The following PRPSAP1 variants were observed in gnomAD, a reference collection of about 807,000 sequenced individuals.
PRPSAP1 encodes the protein phosphoribosyl pyrophosphate synthase-associated protein 1.
In PRPSAP1, 31 loss-of-function variants were observed where a neutral mutation model predicts 39.4. The observed-to-expected ratio is 0.79, with a 90% CI of 0.59 to 1.06. The LOEUF (loss-of-function observed/expected upper bound fraction) is 1.06, where lower values mean the gene tolerates loss of function less well. Among genes scored for constraint, PRPSAP1 ranks in the 50% least tolerant of loss-of-function variants. PRPSAP1 has a pLI of 0.00. For synonymous variants in PRPSAP1, 212 were observed against 192.6 expected, an observed-to-expected ratio of 1.10 and a Z score of -0.83; for missense variants, 430 against 511.6, an observed-to-expected ratio of 0.84 and a Z score of 1.54.
chr17:76,313,615 G>A (rs915514984), intron 8 of PRPSAP1: 6 of 555,870 alleles, frequency 1.1e-5, no homozygotes, highest in Non-Finnish European at 1.9e-5. Context: ...CGGGAGTACT[G>A]TGCTCATTTC....
intron 7 of PRPSAP1, among the ~76,000 whole-genome samples, chr17:76,323,350 A>G (rs2071218383): frequency 6.6e-6 from 1 of 150,596 alleles, no homozygotes; most frequent in Non-Finnish European, 1.5e-5. Flanking sequence ...TCAAAAAAAA[A>G]AAAGAAATAC....
chr17:76,341,426 G>C (rs934163383), intron 3 of PRPSAP1, among the ~76,000 whole-genome samples: 1 of 151,964 alleles, frequency 6.6e-6, no homozygotes, highest in African/African-American at 2.4e-5. Flanking sequence ...TATTTGTAGA[G>C]ATGGAGTCTC....
chr17:76,339,583 A>C (rs773635521), intron 3 of PRPSAP1, among the ~76,000 whole-genome samples: 1 of 151,608 alleles, frequency 6.6e-6, no homozygotes, highest in Non-Finnish European at 1.5e-5. Context: ...TTTTGCTTTG[A>C]TGCTCTTAAA....
At chr17:76,329,016 A>G in intron 6 of PRPSAP1, 154 bp from the exon 7 acceptor site, 1 of 890,958 alleles carries the variant, frequency 1.1e-6, no homozygotes, top group Non-Finnish European at 1.6e-6. Flanking sequence ...CCAGGCCAGC[A>G]TGTAAATGAC....
At chr17:76,345,263 T>C (rs2071486082) in intron 2 of PRPSAP1, among the ~76,000 whole-genome samples, 1 of 70,726 alleles carries the variant, frequency 1.4e-5, no homozygotes, top group African/African-American at 4.3e-5. Context: ...AAAGAGTTCT[T>C]CGAGACCAGC....
intron 7 of PRPSAP1, among the ~76,000 whole-genome samples, chr17:76,324,488 T>G (rs189570894): frequency 1.5e-4 from 23 of 150,906 alleles, no homozygotes; most frequent in African/African-American, 5.1e-4. Flanking sequence ...TAATCCCAGC[T>G]ACTTAGGGAG....
chr17:76,351,990 T>G (rs148866941), intron 1 of PRPSAP1, among the ~76,000 whole-genome samples: 1 of 151,398 alleles, frequency 6.6e-6, no homozygotes, highest in African/African-American at 2.4e-5. Flanking sequence ...GGGTTAGAAA[T>G]AGAAACTAGG....
At chr17:76,320,892 C>T (rs930302267) in intron 7 of PRPSAP1, among the ~76,000 whole-genome samples, 2 of 151,812 alleles carry the variant, frequency 1.3e-5, no homozygotes, top group Non-Finnish European at 2.9e-5. Flanking sequence ...AGGGAACCTC[C>T]CATCTCAGCC....
intron 3 of PRPSAP1, among the ~76,000 whole-genome samples, 155 bp downstream of exon 3, chr17:76,344,516 C>T (rs777459258): frequency 2.0e-5 from 3 of 152,156 alleles, no homozygotes; most frequent in Non-Finnish European, 2.9e-5. Flanking sequence ...CCGCCCACCT[C>T]GGCCTCCCAA....
intron 1 of PRPSAP1, chr17:76,353,308 G>C (rs1246970652): frequency 2.0e-6 from 1 of 506,346 alleles, no homozygotes; most frequent in Non-Finnish European, 3.4e-6. Context: ...CCCAGTCACG[G>C]GGCGGGGGGC....
At chr17:76,343,998 T>C (rs867844121) in intron 3 of PRPSAP1, among the ~76,000 whole-genome samples, 18 of 152,116 alleles carry the variant, frequency 1.2e-4, no homozygotes, top group African/African-American at 3.9e-4. Flanking sequence ...TCGCCCAGGC[T>C]AGAGTGCAGT....
chr17:76,350,717 C>T (rs907032445), intron 1 of PRPSAP1, among the ~76,000 whole-genome samples: 2 of 152,048 alleles, frequency 1.3e-5, no homozygotes, highest in African/African-American at 4.8e-5. Flanking sequence ...GTTAAAGCCA[C>T]TGAAGTGTAC....
Position 76,353,914 on chromosome 17 carries a change from G to C in PRPSAP1, c.-211C>G. On this transcript the variant is annotated 5_prime_UTR_variant, in exon 1 of 10. Transcript: ENST00000446526. The stretch of plus-strand genomic sequence containing the variant: ...CCGGCGCCGCCGCCTCAGAGCCAGA[G>C]GCAAGGCCACCGCCCCCTCCGGGCA... 7.5e-7 allele frequency: 1 copy of C among 1,327,560 alleles called. No individual in the cohort carries two copies. The highest frequency in any genetic ancestry group is 3.2e-5 in the East Asian group (1 of 31,688). The allele number at this position is 1,327,560 out of a possible 1,614,324, so 82.2% of individuals were successfully genotyped here. A position where few individuals can be genotyped will look rare whatever the true frequency, so the allele number is the denominator to read the frequency against.
intron 9 of PRPSAP1, among the ~76,000 whole-genome samples, chr17:76,312,215 TGGATCACCTGAGGTCAGGA>T (rs2071076876): frequency 6.6e-6 from 1 of 152,134 alleles, no homozygotes; most frequent in African/African-American, 2.4e-5. Context: ...CCGAGGCAGG[TGGATCACCTGAGGTCAGGA>T]GTTTGAGACC....
chr17:76,335,483 G>A (rs909822051), intron 3 of PRPSAP1, among the ~76,000 whole-genome samples: 1 of 152,076 alleles, frequency 6.6e-6, no homozygotes, highest in Non-Finnish European at 1.5e-5. Context: ...AGCCTCTCAA[G>A]TAGCGGGGAT....
intron 7 of PRPSAP1, among the ~76,000 whole-genome samples, chr17:76,320,929 A>G (rs1451976228): frequency 1.3e-5 from 2 of 151,186 alleles, no homozygotes. Flanking sequence ...CCACAGGTGC[A>G]TGCCACACCT....
intron 1 of PRPSAP1, among the ~76,000 whole-genome samples, chr17:76,349,879 A>C (rs561391653): frequency 6.6e-6 from 1 of 151,432 alleles, no homozygotes; most frequent in Non-Finnish European, 1.5e-5. Flanking sequence ...TGAGGCCAGG[A>C]GTTCGAGACC....
intron 2 of PRPSAP1, among the ~76,000 whole-genome samples, chr17:76,346,845 G>A (rs938675463): frequency 9.9e-5 from 15 of 151,618 alleles, no homozygotes; most frequent in African/African-American, 3.6e-4. Context: ...GCAGTAAGCT[G>A]AGATTGCACC....
intron 1 of PRPSAP1, among the ~76,000 whole-genome samples, chr17:76,350,751 G>A (rs1166890594): frequency 6.6e-6 from 1 of 151,674 alleles, no homozygotes; most frequent in Non-Finnish European, 1.5e-5. Flanking sequence ...TAAAAAGGTA[G>A]GCCAGGCACA....
Sources: allele counts gnomAD v4.1 joint callset (sites outside exome capture counted in the v4.1 genomes callset), GRCh38; gene constraint gnomAD v4.1.1; transcripts MANE v1.5; gene names NCBI Gene and HGNC (gene_info 2026-07-23, HGNC 2026-07-21).